ADARB2: variants seen among roughly 807,000 people sequenced by gnomAD.
ADARB2 encodes inactive double-stranded RNA-specific editase B2.
Under a neutral mutation model 62.2 loss-of-function variants are expected in ADARB2, and 25 were observed. That is an observed-to-expected ratio of 0.40 (90% CI 0.29 to 0.56). ADARB2 has a LOEUF of 0.56. Among genes scored for constraint, ADARB2 ranks in the 20% least tolerant of loss-of-function variants. ADARB2 has a pLI of 0.43. For missense variants in ADARB2, 1,071 were observed against 1,077.4 expected, an observed-to-expected ratio of 0.99 and a Z score of 0.08; for synonymous variants, 572 against 500.8, an observed-to-expected ratio of 1.14 and a Z score of -1.90.
intron 7 of ADARB2, among the ~76,000 whole-genome samples, chr10:1,205,933 GCTGGGGTC>G (rs1325243952): frequency 2.0e-5 from 3 of 151,328 alleles, no homozygotes; most frequent in African/African-American, 7.3e-5. Flanking sequence ...GGGGCAGCCC[GCTGGGGTC>G]AGGTGGGGTC....
intron 1 of ADARB2, among the ~76,000 whole-genome samples, chr10:1,647,824 G>T (rs565331534): frequency 6.6e-6 from 1 of 151,862 alleles, no homozygotes; most frequent in Non-Finnish European, 1.5e-5. Flanking sequence ...ATGCATGTGT[G>T]TATATGTGTA....
At chr10:1,275,257 C>A (rs555896253) in intron 3 of ADARB2, among the ~76,000 whole-genome samples, 1 of 152,200 alleles carries the variant, frequency 6.6e-6, no homozygotes, top group Admixed American at 6.5e-5. Flanking sequence ...GTGACAAGGG[C>A]CCCTGGCTGG....
At chr10:1,298,071 T>C (rs553940679) in intron 3 of ADARB2, among the ~76,000 whole-genome samples, 51 of 152,202 alleles carry the variant, frequency 3.4e-4, no homozygotes, top group Non-Finnish European at 6.5e-4. Flanking sequence ...CTCCCTCCTA[T>C]TTGAGATAGC....
intron 1 of ADARB2, among the ~76,000 whole-genome samples, chr10:1,665,906 C>T (rs539406857): frequency 1.3e-5 from 2 of 152,248 alleles, no homozygotes; most frequent in African/African-American, 2.4e-5. Flanking sequence ...GGGTGCGGCA[C>T]GGGGGCGTCA....
At chr10:1,687,105 C>A (rs966215713) in intron 1 of ADARB2, among the ~76,000 whole-genome samples, 4 of 148,142 alleles carry the variant, frequency 2.7e-5, no homozygotes, top group Non-Finnish European at 4.4e-5. Context: ...CCTCTCATTG[C>A]AACCTCTGCC....
intron 4 of ADARB2, among the ~76,000 whole-genome samples, chr10:1,253,494 G>A (rs935256118): frequency 3.3e-5 from 5 of 152,168 alleles, no homozygotes; most frequent in Admixed American, 2.6e-4. Context: ...AGTATCAAGG[G>A]CATATTTTAA....
At chr10:1,510,142 T>A (rs557586297) in intron 1 of ADARB2, among the ~76,000 whole-genome samples, 1 of 145,248 alleles carries the variant, frequency 6.9e-6, no homozygotes, top group African/African-American at 2.7e-5. Context: ...CTTTCTTTCT[T>A]TCTTTCTTTC....
At chr10:1,714,316 C>T (rs1182974673) in intron 1 of ADARB2, among the ~76,000 whole-genome samples, 3 of 152,314 alleles carry the variant, frequency 2.0e-5, no homozygotes, top group East Asian at 1.9e-4. Flanking sequence ...GAGGACCAAA[C>T]GGAATTTAGG....
intron 1 of ADARB2, among the ~76,000 whole-genome samples, chr10:1,423,856 G>T (rs984804653): frequency 2.7e-5 from 4 of 150,542 alleles, no homozygotes; most frequent in African/African-American, 9.7e-5. Context: ...GGACCACTAT[G>T]TATGCAGTAA....
At chr10:1,213,339 C>T (rs1041852841) in intron 7 of ADARB2, among the ~76,000 whole-genome samples, 3 of 151,696 alleles carry the variant, frequency 2.0e-5, no homozygotes, top group Admixed American at 6.6e-5. Flanking sequence ...AGAGAGAGGC[C>T]GAGAGCGAGA....
At chr10:1,529,111 G>A (rs940529040) in intron 1 of ADARB2, among the ~76,000 whole-genome samples, 7 of 150,066 alleles carry the variant, frequency 4.7e-5, no homozygotes, top group African/African-American at 1.7e-4. Flanking sequence ...ATCAGTCCAC[G>A]CACCATCCCC....
chr10:1,276,741 C>T (rs1831321558), intron 3 of ADARB2, among the ~76,000 whole-genome samples: 1 of 152,282 alleles, frequency 6.6e-6, no homozygotes, highest in African/African-American at 2.4e-5. Context: ...GAACTCAGCT[C>T]TGCACCAAGC....
At position 1,297,886 on chromosome 10, in the gene ADARB2, G is replaced by A. The variant is rs538044768; in HGVS notation, c.1078-26817C>T. On this transcript the variant is annotated intron_variant, in intron 3 of 9. Transcript: ENST00000381312. ...AGCCATGGCTGGAGGCCAGGAGAGA[G>A]GGTGGGACAGATGCCCCTTAGAATC... Among the ~76,000 whole-genome samples, 169 of 152,340 alleles carry A rather than the reference G, an allele frequency of 1.1e-3. 1 individual carries two copies. In the Middle Eastern group the frequency reaches 0.02, roughly 18 times the overall value.
intron 3 of ADARB2, among the ~76,000 whole-genome samples, chr10:1,285,043 A>C (rs538814077): frequency 3.4e-4 from 52 of 152,308 alleles, no homozygotes; most frequent in African/African-American, 1.2e-3. Context: ...AGTGCTTTGC[A>C]ATATAGAAAG....
chr10:1,353,431 C>T (rs1003024108), intron 3 of ADARB2, among the ~76,000 whole-genome samples: 2 of 152,058 alleles, frequency 1.3e-5, no homozygotes, highest in Admixed American at 1.3e-4. Flanking sequence ...CATCTCTTGT[C>T]TCCCTACACT....
In ADARB2 at chr10:1,585,114, T is replaced by C. The variant is rs375215897; in HGVS notation, c.100+151937A>G. 2.9e-4 allele frequency among the ~76,000 whole-genome samples: 44 copies of C among 152,224 alleles called. 1 individual carries two copies. In the Middle Eastern group the frequency reaches 0.01, roughly 35 times the overall value. ...GAACCCTAATGTAAACTGTGAACTC[T>C]GGGTGGGTGGTGGTGATTGTCAATG... On this transcript the variant is annotated intron_variant, in intron 1 of 9. Coordinates refer to ENST00000381312, the MANE Select transcript of ADARB2 (RefSeq NM_018702.4).
intron 3 of ADARB2, among the ~76,000 whole-genome samples, chr10:1,351,514 A>G (rs1274491545): frequency 1.3e-5 from 2 of 152,018 alleles, no homozygotes; most frequent in Admixed American, 6.5e-5. Flanking sequence ...AGGCCGAGAC[A>G]CTTTAAATTA....
chr10:1,655,016 C>T (rs1007207591), intron 1 of ADARB2, among the ~76,000 whole-genome samples: 42 of 152,322 alleles, frequency 2.8e-4, no homozygotes, highest in Middle Eastern at 3.4e-3. Context: ...AGGGTGAGGA[C>T]GCGGTCGGGA....
intron 1 of ADARB2, among the ~76,000 whole-genome samples, chr10:1,639,889 CAAACAAAA>C (rs952553694): frequency 5.9e-5 from 9 of 151,428 alleles, no homozygotes; most frequent in Admixed American, 2.0e-4. Flanking sequence ...AACAAACAAA[CAAACAAAA>C]ACATGAAGAG....
Sources: gnomAD v4.1 joint callset for allele counts (sites outside exome capture counted in the v4.1 genomes callset) on GRCh38, gnomAD v4.1.1 for gene constraint, MANE v1.5 for transcripts, NCBI Gene and HGNC (gene_info 2026-07-23, HGNC 2026-07-21) for gene names.